Variants in DNAH11 observed in about 807,000 individuals in gnomAD.
DNAH11 encodes the protein dynein axonemal heavy chain 11.
DNAH11 carries 442 observed loss-of-function variants against 526.0 expected under a neutral mutation model. That is an observed-to-expected ratio of 0.84 (90% CI 0.78 to 0.91). The LOEUF is 0.91. Ranked by LOEUF, DNAH11 falls within the 40% of genes least tolerant of loss-of-function variation. The pLI is 0.00. For missense variants in DNAH11, 6,989 were observed against 5,448.7 expected (o/e 1.28, Z -8.90); for synonymous variants, 2,461 against 1,935.9 (o/e 1.27, Z -7.12).
In DNAH11 at chr7:21,852,617, G is replaced by A. The variant is rs1301324949; in HGVS notation, c.11047G>A (p.Glu3683Lys). The change falls in exon 67 of 82, where the codon GAG (glutamate) becomes AAG (lysine). Residue 3683 changes from glutamate (E) to lysine (K), a missense_variant. Coordinates refer to ENST00000409508, the MANE Select transcript of DNAH11 (RefSeq NM_001277115.2). Reference sequence around the variant, plus strand: ...GGAGGCAACAAAGACCACCGTGGCAGAGATAGAGCACAAGGTAGGAAGGGC... The same window carrying A: ...GGAGGCAACAAAGACCACCGTGGCAAAGATAGAGCACAAGGTAGGAAGGGC... ...RLEATKTTVA[E>K]IEHKVIEAKE... 6.3e-7 allele frequency: 1 copy of A among 1,597,588 alleles called. No individual in the cohort carries two copies. Among genetic ancestry groups the A allele is most frequent in the Non-Finnish European group, 8.5e-7 (1 of 1,173,636 alleles).
chr7:21,744,463 G>A lies in DNAH11; in HGVS notation c.8180G>A (p.Cys2727Tyr). The change falls in exon 50 of 82, where the codon TGT (cysteine) becomes TAT (tyrosine). Residue 2727 changes from cysteine to tyrosine, a missense_variant. Physicochemically the swap from Cys to Tyr is radical, Grantham distance 194. Transcript: ENST00000409508. ...FQGILFASPE[C>Y]LKGPLDLIHL... The stretch of plus-strand genomic sequence containing the variant: ...GGGATTTTATTTGCTTCTCCTGAGT[G>A]TTTAAAAGGTCCACTTGATTTAATA... 1.2e-6 allele frequency: 2 copies of A among 1,613,796 alleles called. No homozygotes were observed. The highest frequency in any genetic ancestry group is 1.7e-6 in the Non-Finnish European group (2 of 1,179,798).
chr7:21,744,269 C>T (rs1310070041), intron 49 of DNAH11, among the ~76,000 whole-genome samples, 169 bp from the exon 50 acceptor site: 2 of 152,174 alleles, frequency 1.3e-5, no homozygotes, highest in African/African-American at 4.8e-5. Flanking sequence ...TAAAATATTG[C>T]ACTTATCAAA....
At chr7:21,601,275 T>C in intron 17 of DNAH11, 96 bp downstream of exon 17, 1 of 1,455,230 alleles carries the variant, frequency 6.9e-7, no homozygotes, top group South Asian at 1.4e-5. Context: ...GCCAGTTTCA[T>C]GATAGAGATA....
Position 21,745,023 on chromosome 7 carries a change from G to A in DNAH11, c.8470G>A (p.Ala2824Thr). The A allele has an allele frequency of 1.9e-6, 3 of 1,609,770 alleles. No individual in the cohort carries two copies. The highest frequency in any genetic ancestry group is 2.5e-6 in the Non-Finnish European group (3 of 1,178,002). Residue 2824 changes from alanine (A) to threonine (T), a missense_variant, in exon 51 of 82, where the codon GCC becomes ACC. Transcript: ENST00000409508. The stretch of plus-strand genomic sequence containing the variant: ...AGACAACTACAATGAACTAAATGCT[G>A]CCATGCACCTAGTTTTGTTTGAAGA... ...TLDNYNELNA[A>T]MHLVLFEDAM...
In DNAH11 at chr7:21,894,965, C is replaced by G. The variant is rs765865682; in HGVS notation, c.13015C>G (p.Leu4339Val). Residue 4339 changes from leucine (L) to valine (V), a missense_variant, in exon 79 of 82, where the codon CTG becomes GTG. Physicochemically the swap from Leu to Val is conservative, Grantham distance 32. Transcript: ENST00000409508. ...CACGGTACCAGACACTTGGAGCAAA[C>G]TGGCTTATCCTTCTACTTATGGCCT... ...YDTVPDTWSK[L>V]AYPSTYGLAQ... 1.2e-6 allele frequency: 2 copies of G among 1,613,990 alleles called. No homozygotes were observed. Among genetic ancestry groups the G allele is most frequent in the South Asian group, 1.1e-5 (1 of 91,078 alleles).
chr7:21,588,948 A>G (rs980872628), intron 11 of DNAH11, among the ~76,000 whole-genome samples: 1 of 151,960 alleles, frequency 6.6e-6, no homozygotes, highest in Non-Finnish European at 1.5e-5. Context: ...TTATAATGCA[A>G]TCTTTGTACC....
At chr7:21,714,676 A>G (rs974395340) in intron 42 of DNAH11, among the ~76,000 whole-genome samples, 1 of 152,230 alleles carries the variant, frequency 6.6e-6, no homozygotes, top group African/African-American at 2.4e-5. Context: ...GTTCAAAACT[A>G]TAGAAAAGTT....
chr7:21,618,574 AT>A (rs986557600), intron 23 of DNAH11: 1 of 160,408 alleles, frequency 6.2e-6, no homozygotes, highest in Non-Finnish European at 1.3e-5. Context: ...CAATGTGGAA[AT>A]GAGAATTATT....
At chr7:21,682,618 A>G (rs1783191443) in intron 31 of DNAH11, among the ~76,000 whole-genome samples, 1 of 152,122 alleles carries the variant, frequency 6.6e-6, no homozygotes, top group African/African-American at 2.4e-5. Flanking sequence ...CTTCTTTCCA[A>G]AATATATTCC....
At chr7:21,874,325 A>G (rs1008694504) in intron 74 of DNAH11, among the ~76,000 whole-genome samples, 1 of 48,280 alleles carries the variant, frequency 2.1e-5, no homozygotes, top group Non-Finnish European at 4.8e-5. Context: ...GAATACTTAC[A>G]TGGTTTTTTT....
intron 28 of DNAH11, 30 bp downstream of exon 28, chr7:21,639,095 T>C (rs1375447145): frequency 6.3e-7 from 1 of 1,597,166 alleles, no homozygotes; most frequent in Non-Finnish European, 8.5e-7. Flanking sequence ...TCTCGTATTA[T>C]ACTGTGTTAG....
In DNAH11 at chr7:21,792,555, T is replaced by C. The variant is rs180817614; in HGVS notation, c.10026+3213T>C. Among the ~76,000 whole-genome samples the C allele has an allele frequency of 6.6e-5, 10 of 152,340 alleles. No individual in the cohort carries two copies. The East Asian group carries it at 1.9e-3, about 29-fold the overall frequency. The stretch of plus-strand genomic sequence containing the variant: ...TTTCTTTGATGGAGACTTTTTATTA[T>C]TGCTTCAATCTCATTACTCATTACT... On this transcript the variant is annotated intron_variant, in intron 61 of 81. Transcript: ENST00000409508.
intron 25 of DNAH11, among the ~76,000 whole-genome samples, chr7:21,622,409 G>C (rs1015437639): frequency 1.3e-4 from 20 of 152,088 alleles, no homozygotes; most frequent in Non-Finnish European, 2.4e-4. Context: ...GTAATTTATA[G>C]ATTCAATGCC....
In DNAH11 at chr7:21,637,707, G is replaced by C. The variant is rs1192339238; in HGVS notation, c.4817+5G>C. The C allele has an allele frequency of 2.0e-6, 3 of 1,515,590 alleles. No individual in the cohort carries two copies. The highest frequency in any genetic ancestry group is 8.9e-7 in the Non-Finnish European group (1 of 1,121,238). The allele number at this position is 1,515,590 out of a possible 1,614,324, so 93.9% of individuals were successfully genotyped here. A position where few individuals can be genotyped will look rare whatever the true frequency, so the allele number is the denominator to read the frequency against. ...ACTTAAAGATTTACAGTCCAGGTAA[G>C]AATAAAGCTATATAAGATAATCAAT... On this transcript the variant is annotated splice_donor_5th_base_variant and intron_variant, in intron 27 of 81. Coordinates refer to ENST00000409508, the MANE Select transcript of DNAH11 (RefSeq NM_001277115.2).
intron 6 of DNAH11, among the ~76,000 whole-genome samples, chr7:21,566,648 CA>C (rs146826368): frequency 0.042 from 6,279 of 151,068 alleles, 435 homozygotes; most frequent in African/African-American, 0.14. Context: ...AGTAACTCTC[CA>C]ACCCAGCAAG....
chr7:21,570,478 C>A, intron 7 of DNAH11, 179 bp downstream of exon 7: 3 of 484,888 alleles, frequency 6.2e-6, no homozygotes, highest in East Asian at 6.6e-5. Flanking sequence ...TTTTTTAAAT[C>A]TTTAATTTGG....
intron 43 of DNAH11, 36 bp from the exon 44 acceptor site, chr7:21,720,684 TAAAAA>T (rs549297506): frequency 6.6e-7 from 1 of 1,521,448 alleles, no homozygotes; most frequent in Non-Finnish European, 8.8e-7. Context: ...TTCACTATTT[TAAAAA>T]AATGTTGCCT....
At chr7:21,689,161 A>G (rs921357741) in intron 34 of DNAH11, among the ~76,000 whole-genome samples, 2 of 152,172 alleles carry the variant, frequency 1.3e-5, no homozygotes, top group African/African-American at 2.4e-5. Flanking sequence ...CTCTAAGGCC[A>G]TGATAGAGAG....
chr7:21,777,318 A>G (rs1410676012), intron 56 of DNAH11, among the ~76,000 whole-genome samples: 1 of 152,128 alleles, frequency 6.6e-6, no homozygotes, highest in Non-Finnish European at 1.5e-5. Context: ...CAATTTAACC[A>G]TTCAACCACT....
Sources: allele counts gnomAD v4.1 joint callset (sites outside exome capture counted in the v4.1 genomes callset), GRCh38; gene constraint gnomAD v4.1.1; transcripts MANE v1.5; gene names NCBI Gene and HGNC (gene_info 2026-07-23, HGNC 2026-07-21).